Variants in SLC2A9 observed in about 807,000 individuals in gnomAD.
The protein encoded by SLC2A9 is solute carrier family 2 member 9, also known as solute carrier family 2, facilitated glucose transporter member 9.
In SLC2A9, 39 loss-of-function variants were observed where a neutral mutation model predicts 50.6. That is an observed-to-expected ratio of 0.77 (90% CI 0.60 to 1.01). The LOEUF is 1.01. SLC2A9 is among the 50% of genes least tolerant of loss of function. The pLI, the probability that SLC2A9 is intolerant of heterozygous loss-of-function variation, is 0.00. For missense variants in SLC2A9, 686 were observed against 677.6 expected, an observed-to-expected ratio of 1.01 and a Z score of -0.14; for synonymous variants, 324 against 276.9, an observed-to-expected ratio of 1.17 and a Z score of -1.69.
At chr4:9,906,049 A>G (rs1461360079) in intron 8 of SLC2A9, among the ~76,000 whole-genome samples, 2 of 152,246 alleles carry the variant, frequency 1.3e-5, no homozygotes, top group African/African-American at 4.8e-5. Context: ...CTACCTAAAT[A>G]GGACAAGAAT....
At chr4:9,997,330 C>T (rs1018408024) in intron 2 of SLC2A9, among the ~76,000 whole-genome samples, 2 of 152,114 alleles carry the variant, frequency 1.3e-5, no homozygotes, top group Non-Finnish European at 1.5e-5. Context: ...AGATCTGACC[C>T]CAAGCTTATG....
At chr4:9,935,371 CACTT>C (rs1418950604) in intron 6 of SLC2A9, among the ~76,000 whole-genome samples, 1 of 152,198 alleles carries the variant, frequency 6.6e-6, no homozygotes, top group Non-Finnish European at 1.5e-5. Flanking sequence ...GGAGCAATGA[CACTT>C]ACAACCACCT....
At chr4:9,890,566 C>T in intron 9 of SLC2A9, 44 bp downstream of exon 9, 2 of 1,582,122 alleles carry the variant, frequency 1.3e-6, no homozygotes, top group Middle Eastern at 1.7e-4. Flanking sequence ...CAGAAGTCAG[C>T]TCCATGCTTA....
At chr4:9,813,824 T>C (rs779019095) in intron 3 of SLC2A9, among the ~76,000 whole-genome samples, 5 of 152,058 alleles carry the variant, frequency 3.3e-5, no homozygotes, top group Non-Finnish European at 5.9e-5. Context: ...GGCCAGGTGA[T>C]GTGGCTCACA....
intron 5 of SLC2A9, among the ~76,000 whole-genome samples, chr4:9,943,844 C>A (rs1038864918): frequency 6.6e-6 from 1 of 152,124 alleles, no homozygotes; most frequent in Non-Finnish European, 1.5e-5. Flanking sequence ...GAAGCTCCTA[C>A]CACGTGCCGG....
Position 9,803,111 on chromosome 4 carries a change from C to T in SLC2A9, n.421-3870G>A, listed in dbSNP as rs116637652. On this transcript the variant is annotated intron_variant and non_coding_transcript_variant, in intron 3 of 3. Coordinates refer to the SLC2A9 transcript ENST00000503280. ...TGGGCCTGACTTTGGCACTATCTTG[C>T]TATTTGTCCTTGGCAAACCACTTAG... Among the ~76,000 whole-genome samples the T allele has an allele frequency of 5.8e-3, 883 of 152,306 alleles. 6 individuals are homozygous for T. The highest frequency in any genetic ancestry group is 0.02 in the African/African-American group (822 of 41,576).
At chr4:9,776,628 C>T (rs1475606634), downstream of SLC2A9, among the ~76,000 whole-genome samples, 1 of 152,038 alleles carries the variant, frequency 6.6e-6, no homozygotes. Context: ...TGGATCTCAG[C>T]CTTGAAACCT....
At chr4:9,834,364 C>A (rs62295676) in intron 11 of SLC2A9, among the ~76,000 whole-genome samples, 1 of 152,080 alleles carries the variant, frequency 6.6e-6, no homozygotes, top group Non-Finnish European at 1.5e-5. Flanking sequence ...TTAATGAATT[C>A]GGTTTCCAAT....
intron 1 of SLC2A9, among the ~76,000 whole-genome samples, chr4:10,026,874 T>C (rs1299954775): frequency 6.6e-6 from 1 of 152,074 alleles, no homozygotes; most frequent in African/African-American, 2.4e-5. Flanking sequence ...TGAAACCCTG[T>C]CTCTACTAAA....
At chr4:9,921,613 C>T (rs1743972461) in intron 6 of SLC2A9, among the ~76,000 whole-genome samples, 1 of 152,252 alleles carries the variant, frequency 6.6e-6, no homozygotes, top group South Asian at 2.1e-4. Context: ...CTCCAAGAAG[C>T]AAGAACCCTT....
At chr4:9,860,430 T>C (rs1016483699) in intron 10 of SLC2A9, among the ~76,000 whole-genome samples, 9 of 152,166 alleles carry the variant, frequency 5.9e-5, no homozygotes, top group Admixed American at 5.2e-4. Flanking sequence ...GGGAGATGAA[T>C]GGATGGGTGT....
At chr4:9,902,436 T>A (rs1405500063) in intron 8 of SLC2A9, among the ~76,000 whole-genome samples, 1 of 152,234 alleles carries the variant, frequency 6.6e-6, no homozygotes, top group Non-Finnish European at 1.5e-5. Context: ...ATTTTCCATG[T>A]CTGCTTCTCT....
intron 10 of SLC2A9, chr4:9,879,278 C>T (rs1054050829): frequency 3.0e-6 from 3 of 985,294 alleles, no homozygotes; most frequent in Non-Finnish European, 3.6e-6. Context: ...GATGAGAAGC[C>T]ACACCTCAAA....
At chr4:9,848,599 T>C (rs907959571) in intron 10 of SLC2A9, among the ~76,000 whole-genome samples, 1 of 152,258 alleles carries the variant, frequency 6.6e-6, no homozygotes, top group African/African-American at 2.4e-5. Flanking sequence ...CCATAGCCAA[T>C]CATGTCTGTC....
intron 7 of SLC2A9, among the ~76,000 whole-genome samples, chr4:9,919,519 C>A (rs1490185635): frequency 1.3e-5 from 2 of 151,870 alleles, no homozygotes; most frequent in Admixed American, 6.6e-5. Flanking sequence ...TTGGGGGGTG[C>A]TGGTCTCACG....
chr4:9,776,906 G>A (rs61166583), downstream of SLC2A9, among the ~76,000 whole-genome samples: 33,579 of 151,900 alleles, frequency 0.22, 3,974 homozygotes, highest in East Asian at 0.33. Flanking sequence ...CCCTCCCGTG[G>A]CCACTATTGC....
chr4:9,779,526 T>C (rs1169471004), downstream of SLC2A9, among the ~76,000 whole-genome samples: 1 of 151,826 alleles, frequency 6.6e-6, no homozygotes, highest in African/African-American at 2.4e-5. Context: ...GCCATTCTCC[T>C]GCCTCAGCCT....
intron 6 of SLC2A9, among the ~76,000 whole-genome samples, chr4:9,929,282 C>T (rs972203140): frequency 1.3e-5 from 2 of 152,234 alleles, no homozygotes; most frequent in Admixed American, 6.5e-5. Context: ...GCCTGAGACA[C>T]ATGCTGGGTG....
chr4:9,779,866 C>A (rs1248919250), exon 4 of SLC2A9: 1 of 152,154 alleles, frequency 6.6e-6, no homozygotes. Context: ...GGAATTCAAA[C>A]CCATGTCTCC....
Sources: gnomAD v4.1 joint callset for allele counts (sites outside exome capture counted in the v4.1 genomes callset) on GRCh38, gnomAD v4.1.1 for gene constraint, MANE v1.5 for transcripts, NCBI Gene and HGNC (gene_info 2026-07-23, HGNC 2026-07-21) for gene names.